Variants in ATP6V0A4 observed in about 807,000 individuals in gnomAD.
ATP6V0A4 encodes ATPase H+ transporting V0 subunit a4, also known as V-type proton ATPase 116 kDa subunit a 4.
A neutral mutation model predicts 107.3 loss-of-function variants in ATP6V0A4; 86 were observed. The ratio of observed to expected loss-of-function variants is 0.80; its 90% CI spans 0.67 to 0.96. ATP6V0A4 has a LOEUF of 0.96. Ranked by LOEUF, ATP6V0A4 falls within the 40% of genes least tolerant of loss-of-function variation. ATP6V0A4 has a pLI of 0.00. For missense variants in ATP6V0A4, 908 were observed against 1,045.6 expected (o/e 0.87, Z 1.81); for synonymous variants, 353 against 381.4 (o/e 0.93, Z 0.87).
chr7:138,709,162 T>C (rs1160227914), intron 21 of ATP6V0A4, among the ~76,000 whole-genome samples: 5 of 146,762 alleles, frequency 3.4e-5, no homozygotes, highest in Non-Finnish European at 7.4e-5. Context: ...TGAGCCAAGA[T>C]TGCACCACTG....
intron 15 of ATP6V0A4, among the ~76,000 whole-genome samples, chr7:138,734,973 C>A (rs1490310926): frequency 6.6e-6 from 1 of 152,096 alleles, no homozygotes; most frequent in Admixed American, 6.6e-5. Flanking sequence ...AGACCTTTCT[C>A]AAGAAGCCGT....
chr7:138,740,719 T>C (rs941189191), intron 14 of ATP6V0A4, among the ~76,000 whole-genome samples: 1 of 151,432 alleles, frequency 6.6e-6, no homozygotes, highest in Non-Finnish European at 1.5e-5. Context: ...TGGGATTTGG[T>C]GTGAGCCACG....
In ATP6V0A4 at chr7:138,756,557, A is replaced by G; in HGVS notation, c.640-17T>C. On this transcript the variant is annotated splice_polypyrimidine_tract_variant and intron_variant, in intron 8 of 21. Transcript: ENST00000310018. The stretch of plus-strand genomic sequence containing the variant: ...TTCTTCTTTCTGGAAAATCAGAATA[A>G]GTTAAAAAAAAAGGGGGGGGTTTCT... 6.3e-7 allele frequency: 1 copy of G among 1,582,034 alleles called. No homozygotes were observed. The highest frequency in any genetic ancestry group is 1.7e-4 in the Middle Eastern group (1 of 5,988).
chr7:138,790,185 T>A (rs1251640839), intron 1 of ATP6V0A4, among the ~76,000 whole-genome samples: 2 of 152,192 alleles, frequency 1.3e-5, no homozygotes, highest in Non-Finnish European at 2.9e-5. Context: ...ATTACAAAAC[T>A]GGAATTATAT....
intron 8 of ATP6V0A4, among the ~76,000 whole-genome samples, chr7:138,757,864 T>G (rs369144044): frequency 3.3e-5 from 5 of 152,314 alleles, no homozygotes; most frequent in African/African-American, 1.2e-4. Flanking sequence ...TCCTTAAAAA[T>G]ACTATCAAAA....
chr7:138,759,474 G>C (rs1398074673), intron 8 of ATP6V0A4, among the ~76,000 whole-genome samples: 1 of 152,084 alleles, frequency 6.6e-6, no homozygotes, highest in Non-Finnish European at 1.5e-5. Flanking sequence ...GCCTAGGATA[G>C]TACTAGTATA....
chr7:138,706,545 T>C lies in ATP6V0A4; in HGVS notation c.*79A>G, dbSNP rs1435730427. 1 of 1,545,670 alleles carries C rather than the reference T, an allele frequency of 6.5e-7. No homozygotes were observed. Among genetic ancestry groups the C allele is most frequent in the African/African-American group, 1.4e-5 (1 of 73,444 alleles). The stretch of plus-strand genomic sequence containing the variant: ...AAGAACAACCTTCCCATTGAGCGCC[T>C]TGCAGGGGCTGATATCAAAGACAAG... On this transcript the variant is annotated 3_prime_UTR_variant, in exon 22 of 22. Coordinates refer to ENST00000310018, the MANE Select transcript of ATP6V0A4 (RefSeq NM_020632.3).
At position 138,755,663 on chromosome 7, in the gene ATP6V0A4, A is replaced by T. The variant is rs775690331; in HGVS notation, c.816+26T>A. ...GCAGCCCTCCTGCAGCTGCCATCAG[A>T]CCATGCGCCCAAACCCCTCACTCAC... On this transcript the variant is annotated intron_variant, in intron 10 of 21. Transcript: ENST00000310018. The T allele has an allele frequency of 2.5e-6, 4 of 1,612,872 alleles. No individual in the cohort carries two copies. In the African/African-American group the frequency reaches 5.3e-5, roughly 22 times the overall value.
intron 20 of ATP6V0A4, among the ~76,000 whole-genome samples, chr7:138,710,624 T>C (rs943022815): frequency 1.3e-5 from 2 of 152,212 alleles, no homozygotes; most frequent in Non-Finnish European, 2.9e-5. Flanking sequence ...AAGATTGAAA[T>C]CCTAACCACA....
In ATP6V0A4 at chr7:138,727,770, C is replaced by T. The variant is rs143768169; in HGVS notation, c.2010+991G>A. 1.2e-4 allele frequency among the ~76,000 whole-genome samples: 18 copies of T among 152,316 alleles called. 1 individual carries two copies. Among genetic ancestry groups the T allele is most frequent in the Admixed American group, 2.6e-4 (4 of 15,294 alleles). ...TGCACTAATAGAGGAAAGCAGAGAA[C>T]GACCATCTCAAACCGTCTGTGTGTC... On this transcript the variant is annotated intron_variant, in intron 18 of 21. Transcript: ENST00000310018.
intron 5 of ATP6V0A4, 71 bp downstream of exon 5, chr7:138,768,695 ATCTGCAAGTGGCTC>A: frequency 6.6e-7 from 1 of 1,510,578 alleles, no homozygotes; most frequent in Non-Finnish European, 9.1e-7. Context: ...CAGGTACGGA[ATCTGCAAGTGGCTC>A]TCAGGGCCTT....
In ATP6V0A4 at chr7:138,768,911, T is replaced by C. The variant is rs746003078; in HGVS notation, c.197-37A>G. The C allele has an allele frequency of 3.1e-6, 5 of 1,612,628 alleles. No homozygotes were observed. In the South Asian group the frequency reaches 5.5e-5, roughly 18 times the overall value. ...AAACCCACCAGAAACCCCAAGGTGA[T>C]TGTGTTTTCTCATAACTAAGAAATG... On this transcript the variant is annotated intron_variant, in intron 4 of 21. Coordinates refer to ENST00000310018, the MANE Select transcript of ATP6V0A4 (RefSeq NM_020632.3).
rs753814675 is a variant in ATP6V0A4, at chr7:138,755,689, G to C, written c.816C>G (p.Thr272=). The change falls in exon 10 of 22, where the codon ACC becomes ACG. Residue 272 remains threonine (T), a splice_region_variant and synonymous_variant. Coordinates refer to ENST00000310018, the MANE Select transcript of ATP6V0A4 (RefSeq NM_020632.3). The part of the protein sequence containing the change: ...SVNVRLEDLI[T]VITQTESHRQ... Reference sequence around the variant, plus strand: ...CCATGCGCCCAAACCCCTCACTCACGGTGATTAAATCTTCCAGCCTCACAT... The same window carrying C: ...CCATGCGCCCAAACCCCTCACTCACCGTGATTAAATCTTCCAGCCTCACAT... The C allele has an allele frequency of 3.7e-6, 6 of 1,613,650 alleles. 1 individual carries two copies. In the South Asian group the frequency reaches 5.5e-5, roughly 15 times the overall value.
rs1228624191 is a variant in ATP6V0A4, at chr7:138,722,193, A to G, written c.2011-168T>C. The G allele has an allele frequency of 4.6e-6, 3 of 652,220 alleles. No homozygotes were observed. In the African/African-American group the frequency reaches 6.0e-5, roughly 13 times the overall value. The allele number at this position is 652,220 out of a possible 1,614,324, so 40.4% of individuals were successfully genotyped here. On this transcript the variant is annotated intron_variant, in intron 18 of 21. Transcript: ENST00000310018. ...ACAACAACCATTTTATATAAGCACAATTATCACCCTATTTTCTAGAGAAGT... is the reference window on the plus strand; with the variant it reads ...ACAACAACCATTTTATATAAGCACAGTTATCACCCTATTTTCTAGAGAAGT...
At chr7:138,749,338 G>T in intron 11 of ATP6V0A4, 21 bp from the exon 12 acceptor site, 1 of 1,591,286 alleles carries the variant, frequency 6.3e-7, no homozygotes, top group South Asian at 1.1e-5. Context: ...AAAAAAAAGC[G>T]ACAAAGATGT....
rs55843107 is a variant in ATP6V0A4, at chr7:138,745,078, C to T, written c.1478+45G>A. 0.4 allele frequency: 611,999 copies of T among 1,546,704 alleles called. 127,173 individuals are homozygous for T. The highest frequency in any genetic ancestry group is 0.63 in the East Asian group (27,864 of 44,480). ...CAACCATGAAAACAGTCACTGAGGCCACCTGGATGGCCAGCGACTACACCA... is the reference window on the plus strand; with the variant it reads ...CAACCATGAAAACAGTCACTGAGGCTACCTGGATGGCCAGCGACTACACCA... On this transcript the variant is annotated intron_variant, in intron 14 of 21. Coordinates refer to ENST00000310018, the MANE Select transcript of ATP6V0A4 (RefSeq NM_020632.3).
At chr7:138,747,741 G>C (rs1806027713) in intron 12 of ATP6V0A4, 177 bp from the exon 13 acceptor site, 9 of 1,031,996 alleles carry the variant, frequency 8.7e-6, no homozygotes, top group Non-Finnish European at 1.2e-5. Context: ...GAGTGCATCT[G>C]TTCCTAGGCA....
intron 18 of ATP6V0A4, among the ~76,000 whole-genome samples, chr7:138,725,046 G>A (rs552895766): frequency 3.6e-4 from 55 of 152,300 alleles, no homozygotes; most frequent in Admixed American, 3.5e-3. Flanking sequence ...AAAGGCAGGA[G>A]GATCACTTGA....
At chr7:138,790,163 A>T (rs1808343714) in intron 1 of ATP6V0A4, among the ~76,000 whole-genome samples, 1 of 152,150 alleles carries the variant, frequency 6.6e-6, no homozygotes. Flanking sequence ...TTTTCATTGT[A>T]TATGTGTATA....
Sources: allele counts gnomAD v4.1 joint callset (sites outside exome capture counted in the v4.1 genomes callset), GRCh38; gene constraint gnomAD v4.1.1; transcripts MANE v1.5; gene names NCBI Gene and HGNC (gene_info 2026-07-23, HGNC 2026-07-21).